Variants in GRB10 observed in about 807,000 individuals in gnomAD.
The protein encoded by GRB10 is growth factor receptor-bound protein 10.
A neutral mutation model predicts 80.9 loss-of-function variants in GRB10; 20 were observed. The observed-to-expected ratio is 0.25, with a 90% CI of 0.17 to 0.36. GRB10 has a LOEUF of 0.36. Among genes scored for constraint, GRB10 ranks in the 10% least tolerant of loss-of-function variants. GRB10 has a pLI of 1.00. For synonymous variants in GRB10, 291 were observed against 291.5 expected (o/e 1.00, Z 0.02); for missense variants, 548 against 747.7 (o/e 0.73, Z 3.12).
At chr7:50,645,545 GA>G (rs1412598191) in intron 7 of GRB10, 2 of 924,012 alleles carry the variant, frequency 2.2e-6, no homozygotes, top group Admixed American at 6.2e-5. Context: ...CACCAGCTCA[GA>G]AGGTCTAACA....
intron 15 of GRB10, 46 bp downstream of exon 15, chr7:50,605,244 C>G (rs1352986596): frequency 6.9e-7 from 1 of 1,440,864 alleles, no homozygotes; most frequent in Non-Finnish European, 9.7e-7. Flanking sequence ...GGTGGGGCTA[C>G]CACCTTGAGG....
At chr7:50,670,908 AC>A (rs1217899642) in intron 6 of GRB10, among the ~76,000 whole-genome samples, 3 of 152,130 alleles carry the variant, frequency 2.0e-5, no homozygotes, top group Admixed American at 1.3e-4. Flanking sequence ...GAATCCACAC[AC>A]CACCTCTACT....
chr7:50,744,503 T>G (rs972178177), intron 3 of GRB10, among the ~76,000 whole-genome samples: 10 of 152,224 alleles, frequency 6.6e-5, no homozygotes, highest in African/African-American at 2.2e-4. Context: ...TACTGTTGAC[T>G]AGAAGCTTTA....
intron 7 of GRB10, among the ~76,000 whole-genome samples, chr7:50,651,914 C>T (rs543506362): frequency 1.3e-5 from 2 of 152,338 alleles, no homozygotes; most frequent in South Asian, 2.1e-4. Flanking sequence ...TGTTTCCATC[C>T]AACCCAACCT....
chr7:50,641,135 A>C (rs971796893), intron 7 of GRB10, among the ~76,000 whole-genome samples: 4 of 137,344 alleles, frequency 2.9e-5, no homozygotes, highest in Non-Finnish European at 4.7e-5. Context: ...ACAGAGAGTC[A>C]CATCTTGCTC....
At chr7:50,726,004 G>C (rs77180983) in intron 4 of GRB10, 64 of 152,364 alleles carry the variant, frequency 4.2e-4, no homozygotes, top group African/African-American at 1.5e-3. Context: ...GTGACCTTGG[G>C]CAACTTACCA....
At chr7:50,791,511 G>C (rs181537092) in intron 1 of GRB10, among the ~76,000 whole-genome samples, 4 of 152,188 alleles carry the variant, frequency 2.6e-5, no homozygotes, top group Non-Finnish European at 5.9e-5. Context: ...GTATGACCTC[G>C]GGCATGCCAA....
upstream of GRB10, among the ~76,000 whole-genome samples, chr7:50,784,350 T>A (rs2078598434): frequency 6.6e-6 from 1 of 152,204 alleles, no homozygotes; most frequent in Non-Finnish European, 1.5e-5. Context: ...GATATGAGAC[T>A]TTTCTGCGGT....
intron 4 of GRB10, among the ~76,000 whole-genome samples, chr7:50,720,662 C>G (rs1587454154): frequency 6.6e-6 from 1 of 152,108 alleles, no homozygotes; most frequent in Non-Finnish European, 1.5e-5. Context: ...TAGTTACCAC[C>G]TTAAAAGACC....
At chr7:50,730,392 AT>A (rs2069472853) in intron 4 of GRB10, among the ~76,000 whole-genome samples, 1 of 152,244 alleles carries the variant, frequency 6.6e-6, no homozygotes. Context: ...ATTTTTCTCT[AT>A]AAAACTCTGG....
At chr7:50,667,735 C>T (rs1293041389) in intron 7 of GRB10, among the ~76,000 whole-genome samples, 1 of 152,106 alleles carries the variant, frequency 6.6e-6, no homozygotes, top group Non-Finnish European at 1.5e-5. Flanking sequence ...AACATCCTTC[C>T]TGGTCGTTTC....
At chr7:50,604,241 G>T (rs373021745) in intron 16 of GRB10, 70 bp downstream of exon 16, 2 of 1,384,746 alleles carry the variant, frequency 1.4e-6, no homozygotes. Flanking sequence ...GTAAGGCTGA[G>T]GGGGAGTGGA....
At chr7:50,664,690 C>A (rs1160852078) in intron 7 of GRB10, among the ~76,000 whole-genome samples, 2 of 152,238 alleles carry the variant, frequency 1.3e-5, no homozygotes, top group Non-Finnish European at 2.9e-5. Flanking sequence ...GCACCAAGAT[C>A]AAAGGCAGCC....
At chr7:50,692,460 C>T (rs948221169) in intron 5 of GRB10, among the ~76,000 whole-genome samples, 1 of 152,108 alleles carries the variant, frequency 6.6e-6, no homozygotes, top group Non-Finnish European at 1.5e-5. Flanking sequence ...ATGCCCTCAT[C>T]CAAACTGCTG....
At chr7:50,726,008 C>T (rs2068583994) in intron 4 of GRB10, 2 of 152,246 alleles carry the variant, frequency 1.3e-5, no homozygotes, top group Admixed American at 1.3e-4. Flanking sequence ...CCTTGGGCAA[C>T]TTACCAATAT....
At position 50,591,094 on chromosome 7, in the gene GRB10, G is replaced by C. The variant is rs550751954; in HGVS notation, c.*1858C>G. On this transcript the variant is annotated 3_prime_UTR_variant, in exon 19 of 19. Transcript: ENST00000401949. The stretch of plus-strand genomic sequence containing the variant: ...AATGTCCGTCCCTACAGTGAAGCCT[G>C]CCACCAGGTGTGAACGTGAGAATTA... The C allele has an allele frequency of 6.6e-6, 1 of 152,320 alleles. No homozygotes were observed. Among genetic ancestry groups the C allele is most frequent in the Non-Finnish European group, 1.5e-5 (1 of 68,026 alleles). The allele number at this position is 152,320 out of a possible 1,614,324, so 9.4% of individuals were successfully genotyped here.
intron 17 of GRB10, among the ~76,000 whole-genome samples, chr7:50,601,240 T>C (rs1387907120): frequency 2.0e-5 from 3 of 152,248 alleles, no homozygotes; most frequent in Non-Finnish European, 4.4e-5. Context: ...AAAAGCTGTT[T>C]ATCTGGTGTA....
At position 50,592,671 on chromosome 7, in the gene GRB10, GC is replaced by G. The variant is rs2045959481; in HGVS notation, c.*280del. On this transcript the variant is annotated 3_prime_UTR_variant, in exon 19 of 19. Transcript: ENST00000401949. ...CGGTTCTTGTTCCTAAGCGGCCCAA[GC>G]CAAGATGATCATTCCAGTTTATTTT... 1 of 495,538 alleles carries G rather than the reference GC, an allele frequency of 2.0e-6. No homozygotes were observed. The highest frequency in any genetic ancestry group is 3.3e-5 in the Admixed American group (1 of 30,120). The allele number at this position is 495,538 out of a possible 1,614,324, so 30.7% of individuals were successfully genotyped here.
intron 1 of GRB10, among the ~76,000 whole-genome samples, chr7:50,789,154 G>A (rs1356423076): frequency 1.3e-5 from 2 of 152,170 alleles, no homozygotes; most frequent in Admixed American, 1.3e-4. Flanking sequence ...CACTGACTGT[G>A]GCTCAAAGAA....
Sources: allele counts gnomAD v4.1 joint callset (sites outside exome capture counted in the v4.1 genomes callset), GRCh38; gene constraint gnomAD v4.1.1; transcripts MANE v1.5; gene names NCBI Gene and HGNC (gene_info 2026-07-23, HGNC 2026-07-21).